The following LSM2 variants were observed in gnomAD, a reference collection of about 807,000 sequenced individuals.
The protein encoded by LSM2 is LSM2 homolog, U6 small nuclear RNA and mRNA degradation associated, also known as U6 snRNA-associated Sm-like protein LSm2.
In LSM2, 12 loss-of-function variants were observed where a neutral mutation model predicts 17.0. That is an observed-to-expected ratio of 0.70 (90% confidence interval 0.45 to 1.14). The LOEUF is 1.14. Among genes scored for constraint, LSM2 ranks in the 50% most tolerant of loss-of-function variants. LSM2 has a pLI of 0.00. For synonymous variants in LSM2, 42 were observed against 44.5 expected (o/e 0.94, Z 0.22); for missense variants, 62 against 111.8 (o/e 0.55, Z 2.01).
In LSM2 at chr6:31,806,751, C is replaced by G. The variant is rs369120809; in HGVS notation, c.3+4G>C. Reference sequence around the variant, plus strand: ...GCGCCCCCTTTTGACGTCACGGTACCCACCATGGTGCTGGCGCCGCGGGCA... The same window carrying G: ...GCGCCCCCTTTTGACGTCACGGTACGCACCATGGTGCTGGCGCCGCGGGCA... On this transcript the variant is annotated splice_donor_region_variant and intron_variant, in intron 1 of 4. Coordinates refer to ENST00000375661, the MANE Select transcript of LSM2 (RefSeq NM_021177.5). 1.4e-5 allele frequency: 23 copies of G among 1,610,198 alleles called. No homozygotes were observed. The African/African-American group carries it at 2.9e-4, about 21-fold the overall frequency.
Position 31,798,597 on chromosome 6 carries a change from G to A in LSM2, c.72-90C>T, listed in dbSNP as rs561751517. 14 of 1,457,724 alleles carry A rather than the reference G, an allele frequency of 9.6e-6. No individual in the cohort carries two copies. The East Asian group carries it at 2.5e-4, about 26-fold the overall frequency. 90.3% of individuals were successfully genotyped at this position (1,457,724 alleles called of 1,614,324 possible). On this transcript the variant is annotated intron_variant, in intron 2 of 4. Transcript: ENST00000375661. ...TCAGAGCTGGGATGAGAACATGACTGGGAGAAGTCAAGGACTTGAGGATGT... is the reference window on the plus strand; with the variant it reads ...TCAGAGCTGGGATGAGAACATGACTAGGAGAAGTCAAGGACTTGAGGATGT...
Position 31,806,948 on chromosome 6 carries a change from T to G in LSM2, c.-191A>C, listed in dbSNP as rs17201178. On this transcript the variant is annotated 5_prime_UTR_variant, in exon 1 of 5. Coordinates refer to ENST00000375661, the MANE Select transcript of LSM2 (RefSeq NM_021177.5). ...CGACTTGCGGCTGGGGAGCGCAAGC[T>G]GGGTAGAGTAGAGGGGAGGAGGAAG... 202 of 678,562 alleles carry G rather than the reference T, an allele frequency of 3.0e-4. 2 individuals carry two copies. The highest frequency in any genetic ancestry group is 1.3e-3 in the African/African-American group (69 of 52,128). The allele number at this position is 678,562 out of a possible 1,614,324, so 42.0% of individuals were successfully genotyped here.
chr6:31,801,170 CAAAAAA>C (rs9281582), intron 2 of LSM2, among the ~76,000 whole-genome samples: 1 of 53,314 alleles, frequency 1.9e-5, no homozygotes, highest in Non-Finnish European at 4.0e-5. Flanking sequence ...GGATCTGTCT[CAAAAAA>C]AAAAAAAAAA....
intron 2 of LSM2, among the ~76,000 whole-genome samples, chr6:31,803,726 G>A (rs1180009415): frequency 9.9e-5 from 15 of 151,900 alleles, no homozygotes; most frequent in African/African-American, 3.4e-4. Context: ...GATTACAGGC[G>A]CACAACACAA....
At chr6:31,798,097 T>G (rs1814491291) in intron 3 of LSM2, 48 bp from the exon 4 acceptor site, 2 of 1,342,554 alleles carry the variant, frequency 1.5e-6, no homozygotes, top group South Asian at 1.6e-5. Context: ...TTTTTTTTTT[T>G]GAGACAAGAG....
intron 1 of LSM2, 140 bp downstream of exon 1, chr6:31,806,615 A>C: frequency 8.7e-7 from 1 of 1,151,878 alleles, no homozygotes; most frequent in Middle Eastern, 1.9e-4. Context: ...CTCCTCAATG[A>C]ACCTGAGAAA....
intron 1 of LSM2, chr6:31,806,519 C>T: frequency 1.5e-6 from 1 of 647,344 alleles, no homozygotes; most frequent in Non-Finnish European, 2.7e-6. Context: ...CTAACTTTTC[C>T]GTCTCCCGCT....
intron 2 of LSM2, 132 bp from the exon 3 acceptor site, chr6:31,798,639 A>G: frequency 1.1e-6 from 1 of 925,078 alleles, no homozygotes; most frequent in Non-Finnish European, 1.7e-6. Context: ...AGGTAGAACC[A>G]AAAGGGGGCA....
At position 31,798,150 on chromosome 6, in the gene LSM2, C is replaced by T. The variant is rs1006042120; in HGVS notation, c.103-101G>A. 2.3e-5 allele frequency: 25 copies of T among 1,088,242 alleles called. No individual in the cohort carries two copies. The South Asian group carries it at 4.2e-4, about 18-fold the overall frequency. The allele number at this position is 1,088,242 out of a possible 1,614,324, so 67.4% of individuals were successfully genotyped here. On this transcript the variant is annotated intron_variant, in intron 3 of 4. Transcript: ENST00000375661. ...AGGCTGGAGTGCAATGGTGCCATCT[C>T]GGCTCACTGCAATCTCCGCCTCCTG... is the stretch of plus-strand genomic sequence containing the variant.
At chr6:31,798,388 A>G in intron 3 of LSM2, 89 bp downstream of exon 3, 1 of 1,500,672 alleles carries the variant, frequency 6.7e-7, no homozygotes, top group African/African-American at 1.4e-5. Flanking sequence ...CACCATTATT[A>G]ACCCTAGAGA....
chr6:31,798,260 T>C (rs1257037044), intron 3 of LSM2, among the ~76,000 whole-genome samples: 2 of 152,072 alleles, frequency 1.3e-5, no homozygotes, highest in Admixed American at 6.6e-5. Flanking sequence ...TTTTTGTATT[T>C]TTAGTAGAGA....
chr6:31,801,953 C>T (rs1473372647), intron 2 of LSM2, among the ~76,000 whole-genome samples: 4 of 151,794 alleles, frequency 2.6e-5, no homozygotes, highest in Non-Finnish European at 4.4e-5. Context: ...CTGGGCAACA[C>T]GGCCGAGACT....
intron 2 of LSM2, among the ~76,000 whole-genome samples, chr6:31,803,175 TCTC>T (rs1814817689): frequency 6.6e-6 from 1 of 152,100 alleles, no homozygotes; most frequent in Non-Finnish European, 1.5e-5. Flanking sequence ...CTTAAGTCCC[TCTC>T]CTCACCATTC....
At chr6:31,805,938 G>A in intron 2 of LSM2, 137 bp downstream of exon 2, 1 of 741,134 alleles carries the variant, frequency 1.3e-6, no homozygotes, top group Non-Finnish European at 2.2e-6. Context: ...TTACAGGCTT[G>A]AGCCACTGCA....
intron 2 of LSM2, among the ~76,000 whole-genome samples, chr6:31,802,568 G>A (rs1026714504): frequency 6.8e-6 from 1 of 148,134 alleles, no homozygotes; most frequent in Non-Finnish European, 1.5e-5. Context: ...GCGTAGACTC[G>A]ACCAGAGCGA....
rs369541467 is a variant in LSM2 at position 31,802,262 on chromosome 6, A to G, written c.72-3755T>C. Among the ~76,000 whole-genome samples the G allele has an allele frequency of 5.5e-4, 83 of 151,652 alleles. 1 individual carries two copies. The East Asian group carries it at 9.9e-3, about 18-fold the overall frequency. On this transcript the variant is annotated intron_variant, in intron 2 of 4. Coordinates refer to ENST00000375661, the MANE Select transcript of LSM2 (RefSeq NM_021177.5). ...GCCACTGCACTCCAACCTGGGTGAC[A>G]GAGTGAGACCCCATCTCAAACAAAA...
chr6:31,805,588 C>A (rs1380190452), intron 2 of LSM2, among the ~76,000 whole-genome samples: 1 of 152,130 alleles, frequency 6.6e-6, no homozygotes, highest in East Asian at 1.9e-4. Context: ...TGGTCTTGAA[C>A]TCCTGACCTC....
rs1478580892 is a variant in LSM2, at chr6:31,797,508, G to A, written c.*249C>T. On this transcript the variant is annotated 3_prime_UTR_variant, in exon 5 of 5. Coordinates refer to ENST00000375661, the MANE Select transcript of LSM2 (RefSeq NM_021177.5). ...CTCTCCTACCATCTCCAGAGAAGTA[G>A]TGAGAAAGGCAGGTGCTGGGGACTG... The A allele has an allele frequency of 1.9e-6, 1 of 519,272 alleles. No individual in the cohort carries two copies. Among genetic ancestry groups the A allele is most frequent in the African/African-American group, 1.9e-5 (1 of 52,482 alleles). 32.2% of individuals were successfully genotyped at this position (519,272 alleles called of 1,614,324 possible).
chr6:31,804,160 A>G (rs2151450520), intron 2 of LSM2, among the ~76,000 whole-genome samples: 1 of 152,260 alleles, frequency 6.6e-6, no homozygotes, highest in African/African-American at 2.4e-5. Context: ...CGAGAGTTCA[A>G]GACCAGCCTG....
Sources: gnomAD v4.1 joint callset for allele counts (sites outside exome capture counted in the v4.1 genomes callset) on GRCh38, gnomAD v4.1.1 for gene constraint, MANE v1.5 for transcripts, NCBI Gene and HGNC (gene_info 2026-07-23, HGNC 2026-07-21) for gene names.